The following FBXO27 variants were observed in gnomAD, a reference collection of about 807,000 sequenced individuals.
The protein encoded by FBXO27 is F-box protein 27.
A neutral mutation model predicts 28.3 loss-of-function variants in FBXO27; 28 were observed. The observed-to-expected ratio is 0.99, with a 90% confidence interval of 0.73 to 1.36. FBXO27 has a LOEUF of 1.36. Among genes scored for constraint, FBXO27 ranks in the 40% most tolerant of loss-of-function variants. The pLI is 0.00. For missense variants in FBXO27, 388 were observed against 394.1 expected, an observed-to-expected ratio of 0.98 and a Z score of 0.13; for synonymous variants, 175 against 167.3, an observed-to-expected ratio of 1.05 and a Z score of -0.36.
intron 1 of FBXO27, among the ~76,000 whole-genome samples, chr19:39,015,212 G>A (rs1217663887): frequency 4.7e-5 from 7 of 149,078 alleles, no homozygotes; most frequent in Non-Finnish European, 3.0e-5. Context: ...TCAGCTACTT[G>A]GGAAGCTGAG....
chr19:39,009,696 C>T (rs1305863391), intron 2 of FBXO27, among the ~76,000 whole-genome samples: 1 of 152,028 alleles, frequency 6.6e-6, no homozygotes, highest in Non-Finnish European at 1.5e-5. Context: ...GGATACTAGA[C>T]CCTTATCAGA....
rs1484675316 is a variant in FBXO27 at position 39,024,933 on chromosome 19, AG to A, written c.*477del. On this transcript the variant is annotated 3_prime_UTR_variant, in exon 6 of 6. Transcript: ENST00000292853. Reference sequence around the variant, plus strand: ...ACACCCTTAGGGCTGGGACTCTCTGAGCCCTAAGGATGAGATTCTAAGTTCA... The same window carrying A: ...ACACCCTTAGGGCTGGGACTCTCTGACCCTAAGGATGAGATTCTAAGTTCA... 1.3e-5 allele frequency: 2 copies of A among 154,166 alleles called. No homozygotes were observed. The highest frequency in any genetic ancestry group is 1.4e-5 in the Non-Finnish European group (1 of 69,370). 9.5% of individuals were successfully genotyped at this position (154,166 alleles called of 1,614,324 possible).
chr19:39,009,250 T>A (rs1485398402), intron 2 of FBXO27, among the ~76,000 whole-genome samples: 4 of 152,228 alleles, frequency 2.6e-5, no homozygotes, highest in African/African-American at 4.8e-5. Context: ...GTTATGAACA[T>A]TTGTGTATAA....
intron 1 of FBXO27, among the ~76,000 whole-genome samples, chr19:39,018,124 G>A (rs2072828394): frequency 6.6e-6 from 1 of 151,806 alleles, no homozygotes; most frequent in Non-Finnish European, 1.5e-5. Context: ...GGGCTTACAG[G>A]TGCCCGCCAC....
intron 2 of FBXO27, among the ~76,000 whole-genome samples, chr19:39,009,768 T>C (rs1402840969): frequency 2.6e-5 from 4 of 152,120 alleles, no homozygotes; most frequent in Admixed American, 6.6e-5. Flanking sequence ...TTTGGTTGTG[T>C]CCTCTGATGC....
At position 39,025,964 on chromosome 19, in the gene FBXO27, G is replaced by A. The variant is rs192476486; in HGVS notation, c.709-410C>T. 2.2e-4 allele frequency among the ~76,000 whole-genome samples: 34 copies of A among 152,184 alleles called. No homozygotes were observed. The East Asian group carries it at 6.2e-3, about 28-fold the overall frequency. On this transcript the variant is annotated intron_variant, in intron 5 of 5. Transcript: ENST00000292853. ...ACCTGGCAGGCGAAGGTTGCAGTGA[G>A]CAGAGATCATGCTACTACACTCCAG...
At chr19:39,014,662 G>A (rs993556859) in intron 1 of FBXO27, 37 of 156,440 alleles carry the variant, frequency 2.4e-4, no homozygotes, top group Non-Finnish European at 1.7e-4. Context: ...GGAGGTCGAG[G>A]CTGCAGTGAG....
At chr19:39,031,187 T>C in intron 3 of FBXO27, 22 bp downstream of exon 3, 1 of 1,613,698 alleles carries the variant, frequency 6.2e-7, no homozygotes, top group South Asian at 1.1e-5. Flanking sequence ...GGGCCGGACC[T>C]TTGGATAGCA....
chr19:39,007,841 C>G (rs1975747075), intron 2 of FBXO27, among the ~76,000 whole-genome samples: 1 of 152,086 alleles, frequency 6.6e-6, no homozygotes, highest in African/African-American at 2.4e-5. Flanking sequence ...TGGAGTTTCC[C>G]TATGTTGCCC....
chr19:39,015,915 C>A (rs1382054517), intron 1 of FBXO27, among the ~76,000 whole-genome samples: 1 of 151,592 alleles, frequency 6.6e-6, no homozygotes, highest in Admixed American at 6.6e-5. Context: ...ACTAAAAATA[C>A]AAAAAAATTA....
chr19:39,007,950 C>A (rs2072777176), intron 2 of FBXO27, among the ~76,000 whole-genome samples: 1 of 152,076 alleles, frequency 6.6e-6, no homozygotes, highest in African/African-American at 2.4e-5. Context: ...CCGCACTCTG[C>A]CTGTGTTTTG....
At chr19:39,011,816 G>A (rs1464643176) in intron 2 of FBXO27, among the ~76,000 whole-genome samples, 3 of 137,854 alleles carry the variant, frequency 2.2e-5, no homozygotes, top group Non-Finnish European at 3.1e-5. Flanking sequence ...GCTGAGCCCT[G>A]ATTTTCTTTT....
intron 2 of FBXO27, among the ~76,000 whole-genome samples, chr19:39,013,378 C>G (rs2072804781): frequency 6.6e-6 from 1 of 152,176 alleles, no homozygotes; most frequent in African/African-American, 2.4e-5. Context: ...GCCTGCAATC[C>G]CAGCACTTTG....
rs548968836 is a variant in FBXO27, at chr19:39,031,334, A to G, written c.365-14T>C. 6.3e-5 allele frequency: 102 copies of G among 1,613,404 alleles called. No individual in the cohort carries two copies. The South Asian group carries it at 9.0e-4, about 14-fold the overall frequency. On this transcript the variant is annotated splice_polypyrimidine_tract_variant and intron_variant, in intron 2 of 5. Coordinates refer to ENST00000292853, the MANE Select transcript of FBXO27 (RefSeq NM_178820.5). ...TTCGGAGGCCTTCTGTGAAATAAAA[A>G]AGGCTTGTGCCCAAGTTCCAGTCGC... is the stretch of plus-strand genomic sequence containing the variant.
downstream of FBXO27, among the ~76,000 whole-genome samples, chr19:39,021,229 G>A (rs1414527265): frequency 1.3e-5 from 2 of 152,148 alleles, no homozygotes; most frequent in Non-Finnish European, 2.9e-5. Flanking sequence ...AAAGCAAACC[G>A]TGGAAGAAGT....
At chr19:39,009,313 G>A (rs558391473) in intron 2 of FBXO27, among the ~76,000 whole-genome samples, 47 of 152,186 alleles carry the variant, frequency 3.1e-4, no homozygotes, top group Admixed American at 6.5e-4. Context: ...TGTAGGAGTG[G>A]AATTGCTATG....
intron 2 of FBXO27, among the ~76,000 whole-genome samples, chr19:39,006,932 G>C (rs966475959): frequency 5.3e-5 from 8 of 151,806 alleles, no homozygotes; most frequent in African/African-American, 1.9e-4. Flanking sequence ...TGCAAAAAAG[G>C]CATGGTGGTG....
At chr19:39,008,615 C>G (rs1326394360) in intron 2 of FBXO27, among the ~76,000 whole-genome samples, 1 of 152,126 alleles carries the variant, frequency 6.6e-6, no homozygotes, top group Non-Finnish European at 1.5e-5. Context: ...GTTCCCAAAT[C>G]ACCCCAAACA....
rs147557604 is a variant in FBXO27 at position 39,031,098 on chromosome 19, T to G, written c.503A>C (p.Asp168Ala). 3.1e-6 allele frequency: 5 copies of G among 1,613,912 alleles called. No individual in the cohort carries two copies. Among genetic ancestry groups the G allele is most frequent in the Non-Finnish European group, 4.2e-6 (5 of 1,180,000 alleles). ...FSWCCKKQVL[D>A]LEEEGLWPEL... Reference sequence around the variant, plus strand: ...TGGCCACAGACCCTCCTCCTCTAGGTCCAAGACCTGCTTCTTGCAACACCA... The same window carrying G: ...TGGCCACAGACCCTCCTCCTCTAGGGCCAAGACCTGCTTCTTGCAACACCA... Residue 168 changes from aspartate to alanine, a missense_variant, in exon 4 of 6, where the codon GAC becomes GCC. Transcript: ENST00000292853.
Sources: gnomAD v4.1 joint callset for allele counts (sites outside exome capture counted in the v4.1 genomes callset) on GRCh38, gnomAD v4.1.1 for gene constraint, MANE v1.5 for transcripts, NCBI Gene and HGNC (gene_info 2026-07-23, HGNC 2026-07-21) for gene names.